Variants in FAS observed in about 807,000 individuals in gnomAD.
FAS encodes Fas cell surface death receptor.
In FAS, 5 loss-of-function variants were observed where a neutral mutation model predicts 33.2. That is an observed-to-expected ratio of 0.15 (90% CI 0.08 to 0.32). The LOEUF (loss-of-function observed/expected upper bound fraction) is 0.32, where lower values mean the gene tolerates loss of function less well. Among genes scored for constraint, FAS ranks in the 10% least tolerant of loss-of-function variants. The probability of loss-of-function intolerance (pLI) is 1.00; values close to 1 mark genes in which losing one functional copy is unlikely to be tolerated. For synonymous variants in FAS, 131 were observed against 130.7 expected, an observed-to-expected ratio of 1.00 and a Z score of -0.01; for missense variants, 339 against 386.0, an observed-to-expected ratio of 0.88 and a Z score of 1.02.
At chr10:88,977,097 C>T (rs1846581420) in intron 2 of FAS, among the ~76,000 whole-genome samples, 1 of 152,126 alleles carries the variant, frequency 6.6e-6, no homozygotes, top group Non-Finnish European at 1.5e-5. Context: ...AGATAATTTT[C>T]TCCCATTTTG....
chr10:89,009,841 A>T (rs1848434803), intron 4 of FAS, among the ~76,000 whole-genome samples: 1 of 152,324 alleles, frequency 6.6e-6, no homozygotes, highest in Non-Finnish European at 1.5e-5. Context: ...AGTAATTCCA[A>T]ATATTTCATA....
At chr10:89,003,265 T>C (rs1848037664) in intron 2 of FAS, 71 bp downstream of exon 2, 1 of 1,563,826 alleles carries the variant, frequency 6.4e-7, no homozygotes, top group African/African-American at 1.4e-5. Flanking sequence ...TAATCATGAC[T>C]ATAATAATTT....
At chr10:88,988,106 T>C (rs1371330134), upstream of FAS, among the ~76,000 whole-genome samples, 2 of 152,200 alleles carry the variant, frequency 1.3e-5, no homozygotes, top group Non-Finnish European at 2.9e-5. Context: ...CCAACTCCTA[T>C]CTATCTTTCC....
chr10:89,001,521 G>A (rs906308353), intron 1 of FAS, among the ~76,000 whole-genome samples: 4 of 151,230 alleles, frequency 2.6e-5, no homozygotes, highest in Admixed American at 1.3e-4. Flanking sequence ...ATTTGTAACC[G>A]TCATGCTAGA....
chr10:88,979,267 A>G (rs941192264), intron 2 of FAS, among the ~76,000 whole-genome samples: 4 of 142,596 alleles, frequency 2.8e-5, no homozygotes, highest in African/African-American at 1.0e-4. Flanking sequence ...AAAAAAGCAG[A>G]AAAAAAAAAA....
intron 1 of FAS, among the ~76,000 whole-genome samples, chr10:88,970,726 G>C (rs928213145): frequency 6.6e-6 from 1 of 152,060 alleles, no homozygotes; most frequent in Non-Finnish European, 1.5e-5. Context: ...TTGTGGGGTG[G>C]GGAGAGCGGG....
In FAS at chr10:88,973,927, G is replaced by A. The variant is rs181509459; in HGVS notation, n.260+580G>A. ...AGCGATTCTCATGCCTCAGCCTCCC[G>A]AGTAGCGAGGACTACAGGCGTGCAC... On this transcript the variant is annotated intron_variant and non_coding_transcript_variant, in intron 2 of 3. Transcript: ENST00000688239. The A allele has an allele frequency of 3.9e-5, 6 of 152,572 alleles. No individual in the cohort carries two copies. In the East Asian group the frequency reaches 7.7e-4, roughly 20 times the overall value. 9.5% of individuals were successfully genotyped at this position (152,572 alleles called of 1,614,324 possible).
chr10:88,964,577 A>G (rs1211407132), intron 1 of FAS, among the ~76,000 whole-genome samples: 1 of 152,184 alleles, frequency 6.6e-6, no homozygotes, highest in Non-Finnish European at 1.5e-5. Flanking sequence ...CCTTCTTGGT[A>G]GAGAGGGAAG....
At chr10:88,974,909 T>C (rs1846528832) in intron 2 of FAS, 1 of 152,220 alleles carries the variant, frequency 6.6e-6, no homozygotes, top group Non-Finnish European at 1.5e-5. Context: ...ACTGTAATAC[T>C]GTACAGATCA....
chr10:89,003,106 A>G lies in FAS; in HGVS notation c.108A>G (p.Glu36=). The change falls in exon 2 of 9, where the codon GAA becomes GAG. Residue 36 remains glutamate (E), a synonymous_variant. Transcript: ENST00000652046. Reference sequence around the variant, plus strand: ...CTGACATCAACTCCAAGGGATTGGAATTGAGGAAGACTGTTACTACAGTTG... The same window carrying G: ...CTGACATCAACTCCAAGGGATTGGAGTTGAGGAAGACTGTTACTACAGTTG... ...QVTDINSKGL[E]LRKTVTTVET... 6.2e-7 allele frequency: 1 copy of G among 1,614,112 alleles called. No homozygotes were observed. The highest frequency in any genetic ancestry group is 8.5e-7 in the Non-Finnish European group (1 of 1,179,944).
At chr10:88,976,654 T>C (rs113124675) in intron 2 of FAS, among the ~76,000 whole-genome samples, 4 of 152,358 alleles carry the variant, frequency 2.6e-5, no homozygotes, top group African/African-American at 9.6e-5. Context: ...ATTGTGTTAT[T>C]TTAAAATACA....
rs9658784 is a variant in FAS, at chr10:89,016,434, C to A, written c.*1984C>A. On this transcript the variant is annotated 3_prime_UTR_variant, in exon 9 of 9. Transcript: ENST00000652046. ...GTTAGGTACTAGTTATTCTTCATGG[C>A]CAGAAGTGCAAGTTCTACTTTGCAA... 1,310 of 221,788 alleles carry A rather than the reference C, an allele frequency of 5.9e-3. 12 individuals carry two copies. Among genetic ancestry groups the A allele is most frequent in the African/African-American group, 0.028 (1,236 of 44,816 alleles). The allele number at this position is 221,788 out of a possible 1,614,324, so 13.7% of individuals were successfully genotyped here.
rs1478923408 is a variant in FAS, at chr10:89,014,503, A to G, written c.*53A>G. ...GTATATGCAATTAGTGTTTGAAAAG[A>G]TTCTTAATAGCTGGCTGTAAATACT... is the stretch of plus-strand genomic sequence containing the variant. On this transcript the variant is annotated 3_prime_UTR_variant, in exon 9 of 9. Coordinates refer to ENST00000652046, the MANE Select transcript of FAS (RefSeq NM_000043.6). The G allele has an allele frequency of 2.6e-6, 4 of 1,528,922 alleles. No homozygotes were observed. Among genetic ancestry groups the G allele is most frequent in the Non-Finnish European group, 3.6e-6 (4 of 1,119,508 alleles). The allele number at this position is 1,528,922 out of a possible 1,614,324, so 94.7% of individuals were successfully genotyped here.
At chr10:88,988,286 A>G (rs1331773495), upstream of FAS, among the ~76,000 whole-genome samples, 1 of 152,244 alleles carries the variant, frequency 6.6e-6, no homozygotes, top group Non-Finnish European at 1.5e-5. Flanking sequence ...TCATGGATAT[A>G]CACTATAGCT....
At chr10:88,987,876 T>G (rs949369598), upstream of FAS, among the ~76,000 whole-genome samples, 1 of 152,226 alleles carries the variant, frequency 6.6e-6, no homozygotes, top group Non-Finnish European at 1.5e-5. Context: ...TTTAAATCTT[T>G]ACACTTTGAG....
intron 1 of FAS, among the ~76,000 whole-genome samples, chr10:88,964,551 G>C (rs1846288643): frequency 6.6e-6 from 1 of 152,152 alleles, no homozygotes; most frequent in African/African-American, 2.4e-5. Flanking sequence ...GGTCATCCCT[G>C]GTGATCAACC....
rs1453693412 is a variant in FAS, at chr10:89,015,743, T to C, written c.*1293T>C. On this transcript the variant is annotated 3_prime_UTR_variant, in exon 9 of 9. Coordinates refer to ENST00000652046, the MANE Select transcript of FAS (RefSeq NM_000043.6). Reference sequence around the variant, plus strand: ...TTTTTGCCCCTTGTGTTTGGAATTATAAAATATAGGTAAAAGTACGTAATT... The same window carrying C: ...TTTTTGCCCCTTGTGTTTGGAATTACAAAATATAGGTAAAAGTACGTAATT... The C allele has an allele frequency of 4.0e-6, 2 of 499,580 alleles. No individual in the cohort carries two copies. The highest frequency in any genetic ancestry group is 8.0e-5 in the East Asian group (2 of 25,106). The allele number at this position is 499,580 out of a possible 1,614,324, so 30.9% of individuals were successfully genotyped here.
Position 89,014,765 on chromosome 10 carries a change from G to A in FAS, c.*315G>A, listed in dbSNP as rs1425379028. The stretch of plus-strand genomic sequence containing the variant: ...TAACATATGATTCTGTAGTATGAAT[G>A]TAATCAGTGTATGTTAGTACAAATG... On this transcript the variant is annotated 3_prime_UTR_variant, in exon 9 of 9. Transcript: ENST00000652046. 1 of 569,008 alleles carries A rather than the reference G, an allele frequency of 1.8e-6. No individual in the cohort carries two copies. Among genetic ancestry groups the A allele is most frequent in the African/African-American group, 1.8e-5 (1 of 55,006 alleles). The allele number at this position is 569,008 out of a possible 1,614,324, so 35.2% of individuals were successfully genotyped here. A position where few individuals can be genotyped will look rare whatever the true frequency, so the allele number is the denominator to read the frequency against.
rs145440745 is a variant in FAS at position 88,979,837 on chromosome 10, T to G, written n.260+6490T>G. ...GAGCAACAGCAAAGGTCATTTCTAG[T>G]GCCTGTGTCCTCACCACACACCTCC... On this transcript the variant is annotated intron_variant and non_coding_transcript_variant, in intron 2 of 3. Coordinates refer to the FAS transcript ENST00000688239. Among the ~76,000 whole-genome samples, 808 of 152,316 alleles carry G rather than the reference T, an allele frequency of 5.3e-3. 5 individuals are homozygous for G. Among genetic ancestry groups the G allele is most frequent in the Middle Eastern group, 0.01 (3 of 294 alleles).
Sources: allele counts gnomAD v4.1 joint callset (sites outside exome capture counted in the v4.1 genomes callset), GRCh38; gene constraint gnomAD v4.1.1; transcripts MANE v1.5; gene names NCBI Gene and HGNC (gene_info 2026-07-23, HGNC 2026-07-21).